FER: variants seen among roughly 807,000 people sequenced by gnomAD.
FER encodes the protein tyrosine-protein kinase Fer.
FER carries 63 observed loss-of-function variants against 111.0 expected under a neutral mutation model. That is an observed-to-expected ratio of 0.57 (90% CI 0.46 to 0.70). The LOEUF is 0.70. Ranked by LOEUF, FER falls within the 30% of genes least tolerant of loss-of-function variation. The pLI is 0.00. For missense variants in FER, 914 were observed against 954.0 expected (o/e 0.96, Z 0.55); for synonymous variants, 327 against 313.9 (o/e 1.04, Z -0.44).
rs958086373 is a variant in FER, at chr5:109,193,719, G to C, written c.*6144G>C. 3.3e-5 allele frequency: 5 copies of C among 152,088 alleles called. No individual in the cohort carries two copies. Among genetic ancestry groups the C allele is most frequent in the Non-Finnish European group, 7.4e-5 (5 of 68,002 alleles). The allele number at this position is 152,088 out of a possible 1,614,324, so 9.4% of individuals were successfully genotyped here. The stretch of plus-strand genomic sequence containing the variant: ...TTACTATTTCCTTTTCTCATCTTTA[G>C]TTTTTCAAGATTTTGCTTTACCAAA... On this transcript the variant is annotated 3_prime_UTR_variant, in exon 20 of 20. Transcript: ENST00000281092.
At chr5:108,765,725 C>A (rs1190732829) in intron 1 of FER, among the ~76,000 whole-genome samples, 1 of 151,990 alleles carries the variant, frequency 6.6e-6, no homozygotes, top group African/African-American at 2.4e-5. Flanking sequence ...ACTATCTTTG[C>A]TGATAGAGAA....
intron 17 of FER, 130 bp from the exon 18 acceptor site, chr5:109,180,617 A>T: frequency 9.9e-7 from 1 of 1,013,880 alleles, no homozygotes; most frequent in Non-Finnish European, 1.4e-6. Flanking sequence ...AGGACTGGTA[A>T]ATCACAAGCA....
At chr5:108,815,789 TG>T (rs1561460440) in intron 3 of FER, among the ~76,000 whole-genome samples, 1 of 152,204 alleles carries the variant, frequency 6.6e-6, no homozygotes, top group East Asian at 1.9e-4. Flanking sequence ...TGAATCAGTC[TG>T]ATTATTTAGT....
chr5:109,069,787 T>C (rs533978939), intron 16 of FER, among the ~76,000 whole-genome samples: 2 of 152,238 alleles, frequency 1.3e-5, no homozygotes, highest in African/African-American at 4.8e-5. Flanking sequence ...GGATGAGCCA[T>C]AGAATTTTTT....
At chr5:109,030,405 A>G (rs977948924) in intron 13 of FER, among the ~76,000 whole-genome samples, 2 of 152,142 alleles carry the variant, frequency 1.3e-5, no homozygotes, top group African/African-American at 4.8e-5. Flanking sequence ...ATAATCTATT[A>G]TGTTAGGACA....
At chr5:109,157,130 C>T (rs767033396) in intron 17 of FER, among the ~76,000 whole-genome samples, 1 of 152,076 alleles carries the variant, frequency 6.6e-6, no homozygotes, top group African/African-American at 2.4e-5. Flanking sequence ...CATGATGAAG[C>T]TTGGTATAGC....
chr5:109,048,002 G>A (rs1387188995), intron 16 of FER, among the ~76,000 whole-genome samples: 2 of 152,078 alleles, frequency 1.3e-5, no homozygotes, highest in East Asian at 3.9e-4. Flanking sequence ...AGTAAAATTT[G>A]ATCTCATAAG....
At chr5:108,894,390 A>T (rs941021951) in intron 9 of FER, 3 of 959,952 alleles carry the variant, frequency 3.1e-6, no homozygotes, top group Non-Finnish European at 4.2e-6. Flanking sequence ...ATCCTGTAGC[A>T]ACTGTTTGTG....
intron 13 of FER, among the ~76,000 whole-genome samples, chr5:109,023,664 T>G (rs1321810634): frequency 9.8e-6 from 1 of 102,464 alleles, no homozygotes; most frequent in Non-Finnish European, 2.4e-5. Context: ...TTTTGTAACT[T>G]TTTTTTTTTA....
chr5:108,925,779 G>C (rs140326803), intron 10 of FER, among the ~76,000 whole-genome samples: 2 of 152,064 alleles, frequency 1.3e-5, no homozygotes, highest in African/African-American at 4.8e-5. Context: ...TTATATTATT[G>C]GATAAGTACT....
intron 17 of FER, among the ~76,000 whole-genome samples, chr5:109,154,512 G>A (rs1191036444): frequency 1.3e-5 from 2 of 151,868 alleles, no homozygotes; most frequent in African/African-American, 4.8e-5. Flanking sequence ...GAACATGGAA[G>A]AATGAGTGGG....
intron 3 of FER, among the ~76,000 whole-genome samples, chr5:108,800,972 G>A (rs944961334): frequency 1.3e-5 from 2 of 152,106 alleles, no homozygotes; most frequent in African/African-American, 2.4e-5. Context: ...GCGTGAACCC[G>A]GGAGGCGGAG....
In FER at chr5:109,058,724, C is replaced by CTTTTTTTTTTTTTTTTTTTTTTTTTT. The variant is rs746184286; in HGVS notation, c.1924+11527_1924+11552dup. On this transcript the variant is annotated intron_variant, in intron 16 of 19. Transcript: ENST00000281092. ...TCTTTTTCTTTTTCTTTCTTTCTTT[C>CTTTTTTTTTTTTTTTTTTTTTTTTTT]TTTTTTTTTTTTTTTTTTTTTTTTT... Among the ~76,000 whole-genome samples the CTTTTTTTTTTTTTTTTTTTTTTTTTT allele has an allele frequency of 2.1e-4, 16 of 76,254 alleles. 2 individuals carry two copies. Among genetic ancestry groups the CTTTTTTTTTTTTTTTTTTTTTTTTTT allele is most frequent in the African/African-American group, 2.9e-4 (5 of 17,114 alleles). 50.0% of individuals were successfully genotyped at this position (76,254 alleles called of 152,430 possible). A position where few individuals can be genotyped will look rare whatever the true frequency, so the allele number is the denominator to read the frequency against.
intron 17 of FER, among the ~76,000 whole-genome samples, chr5:109,166,316 A>G (rs552022413): frequency 1.3e-5 from 2 of 151,988 alleles, no homozygotes; most frequent in African/African-American, 4.8e-5. Flanking sequence ...AATGAGTTCA[A>G]AGTTGAAGAT....
At chr5:109,166,315 A>G (rs1756552275) in intron 17 of FER, among the ~76,000 whole-genome samples, 1 of 152,074 alleles carries the variant, frequency 6.6e-6, no homozygotes, top group African/African-American at 2.4e-5. Context: ...AAATGAGTTC[A>G]AAGTTGAAGA....
intron 16 of FER, among the ~76,000 whole-genome samples, chr5:109,058,855 C>T (rs184302097): frequency 3.3e-4 from 50 of 150,806 alleles, no homozygotes; most frequent in African/African-American, 1.0e-3. Flanking sequence ...GCCTCAGCCT[C>T]CCGAGTAGCT....
At chr5:109,035,666 G>T (rs1045103022) in intron 13 of FER, among the ~76,000 whole-genome samples, 2 of 152,088 alleles carry the variant, frequency 1.3e-5, no homozygotes, top group African/African-American at 4.8e-5. Flanking sequence ...AGCAATTTGA[G>T]TCATAGGATG....
chr5:108,812,762 A>G (rs1392023767), intron 3 of FER, among the ~76,000 whole-genome samples: 1 of 152,240 alleles, frequency 6.6e-6, no homozygotes, highest in Non-Finnish European at 1.5e-5. Flanking sequence ...ATTAAGGTCT[A>G]TAGTATACAT....
At chr5:108,842,709 G>T (rs976269192) in intron 5 of FER, 10 of 152,118 alleles carry the variant, frequency 6.6e-5, no homozygotes, top group African/African-American at 2.4e-4. Context: ...CCTTACTCCT[G>T]CAAGAATGGC....
Sources: allele counts gnomAD v4.1 joint callset (sites outside exome capture counted in the v4.1 genomes callset), GRCh38; gene constraint gnomAD v4.1.1; transcripts MANE v1.5; gene names NCBI Gene and HGNC (gene_info 2026-07-23, HGNC 2026-07-21).